Variants in TBC1D14 observed in about 807,000 individuals in gnomAD.
The protein encoded by TBC1D14 is TBC1 domain family member 14, also known as TBC1 domain family, member 14.
In TBC1D14, 26 loss-of-function variants were observed where a neutral mutation model predicts 79.0. The observed-to-expected ratio is 0.33, with a 90% CI of 0.24 to 0.46. TBC1D14 has a LOEUF of 0.46. Among genes scored for constraint, TBC1D14 ranks in the 20% least tolerant of loss-of-function variants. TBC1D14 has a pLI of 1.00. For missense variants in TBC1D14, 769 were observed against 887.6 expected (o/e 0.87, Z 1.70); for synonymous variants, 394 against 349.9 (o/e 1.13, Z -1.40).
At chr4:6,995,821 G>A (rs888879949) in intron 4 of TBC1D14, 5 of 135,646 alleles carry the variant, frequency 3.7e-5, no homozygotes, top group African/African-American at 1.4e-4. Flanking sequence ...CCATTCATTT[G>A]TTTTTATTTA....
intron 2 of TBC1D14, among the ~76,000 whole-genome samples, chr4:6,958,043 C>T (rs1714816145): frequency 1.3e-5 from 2 of 150,838 alleles, no homozygotes; most frequent in Admixed American, 6.6e-5. Context: ...AGAAATATAA[C>T]TCAGCCCTTT....
At chr4:6,987,240 G>C (rs1717948144) in intron 3 of TBC1D14, 3 of 1,260,238 alleles carry the variant, frequency 2.4e-6, no homozygotes, top group Non-Finnish European at 3.0e-6. Flanking sequence ...CTGAGGAGCC[G>C]CCGCGTCCGC....
At chr4:7,000,481 C>A (rs1719551073) in intron 6 of TBC1D14, among the ~76,000 whole-genome samples, 1 of 152,216 alleles carries the variant, frequency 6.6e-6, no homozygotes, top group Non-Finnish European at 1.5e-5. Context: ...TAGGATGCAG[C>A]CTGCTTTCTG....
chr4:6,967,863 G>A (rs575824465), intron 3 of TBC1D14, among the ~76,000 whole-genome samples: 3 of 152,192 alleles, frequency 2.0e-5, no homozygotes, highest in Non-Finnish European at 4.4e-5. Context: ...GGCTCTGCTG[G>A]GATGCCTCTC....
intron 12 of TBC1D14, 39 bp downstream of exon 12, chr4:7,014,596 C>A: frequency 7.2e-7 from 1 of 1,397,276 alleles, no homozygotes; most frequent in Non-Finnish European, 1.0e-6. Context: ...GAGCATTTCT[C>A]AGCCCTTGTC....
At position 6,923,360 on chromosome 4, in the gene TBC1D14, G is replaced by C; in HGVS notation, c.-17-13G>C. ...TATATCCACTTTAATTTCCATGTTT[G>C]TGTTTTTTCTAGTTTCTCCTTGGAC... On this transcript the variant is annotated splice_polypyrimidine_tract_variant and intron_variant, in intron 1 of 13. Coordinates refer to ENST00000409757, the MANE Select transcript of TBC1D14 (RefSeq NM_020773.3). The C allele has an allele frequency of 1.3e-6, 2 of 1,568,284 alleles. No individual in the cohort carries two copies. Among genetic ancestry groups the C allele is most frequent in the Non-Finnish European group, 1.7e-6 (2 of 1,158,676 alleles).
At chr4:6,966,893 T>C (rs1466028540) in intron 2 of TBC1D14, among the ~76,000 whole-genome samples, 1 of 152,224 alleles carries the variant, frequency 6.6e-6, no homozygotes, top group Non-Finnish European at 1.5e-5. Context: ...CACTGCAAGC[T>C]CCGCCTCCCA....
chr4:6,945,749 CAAAAAAAAAAAAAAA>C (rs71173472), intron 2 of TBC1D14, among the ~76,000 whole-genome samples: 4 of 64,134 alleles, frequency 6.2e-5, no homozygotes, highest in African/African-American at 1.3e-4. Flanking sequence ...AACTGCGTCT[CAAAAAAAAAAAAAAA>C]AAAAAAAAAA....
chr4:6,919,015 C>T (rs989972426), intron 1 of TBC1D14, among the ~76,000 whole-genome samples: 1 of 152,158 alleles, frequency 6.6e-6, no homozygotes, highest in African/African-American at 2.4e-5. Flanking sequence ...TGGGGAAGAG[C>T]AGCGAGGGCT....
At chr4:6,937,523 G>T (rs931987586) in intron 2 of TBC1D14, among the ~76,000 whole-genome samples, 6 of 152,198 alleles carry the variant, frequency 3.9e-5, no homozygotes, top group African/African-American at 1.4e-4. Flanking sequence ...TGGTGTGCTG[G>T]GTTGGAAGCT....
In TBC1D14 at chr4:6,979,776, T is replaced by A. The variant is rs13435488; in HGVS notation, c.843+12352T>A. Among the ~76,000 whole-genome samples, 361 of 152,182 alleles carry A rather than the reference T, an allele frequency of 2.4e-3. 1 individual carries two copies. The highest frequency in any genetic ancestry group is 8.2e-3 in the African/African-American group (339 of 41,526). On this transcript the variant is annotated intron_variant, in intron 3 of 13. Transcript: ENST00000409757. ...ATAAGTCTATTAATATAATAAAAAT[T>A]AAGATAGGTCTATTAATATTATAAA...
At chr4:6,999,771 G>T (rs1171583565) in intron 6 of TBC1D14, among the ~76,000 whole-genome samples, 1 of 152,146 alleles carries the variant, frequency 6.6e-6, no homozygotes, top group Admixed American at 6.5e-5. Flanking sequence ...CTAGGGCCCT[G>T]TGGTTCTGTG....
At chr4:7,020,911 C>T (rs560157520) in intron 12 of TBC1D14, among the ~76,000 whole-genome samples, 5 of 152,310 alleles carry the variant, frequency 3.3e-5, no homozygotes, top group Admixed American at 6.5e-5. Context: ...ATGGAAAAGA[C>T]GATTGTACCT....
At chr4:6,987,616 A>C (rs1244554163) in intron 3 of TBC1D14, 4 of 386,478 alleles carry the variant, frequency 1.0e-5, no homozygotes, top group Non-Finnish European at 1.8e-5. Context: ...CACGTTTACT[A>C]GGACGACGAG....
intron 3 of TBC1D14, among the ~76,000 whole-genome samples, chr4:6,978,064 G>T (rs1322513369): frequency 1.4e-3 from 211 of 150,874 alleles, no homozygotes; most frequent in Middle Eastern, 6.9e-3. Flanking sequence ...CGTCTGGGAG[G>T]GAGGTGGGGG....
chr4:6,941,180 CTTTTTTTTTTTT>C (rs35201238), intron 2 of TBC1D14, among the ~76,000 whole-genome samples: 3 of 87,758 alleles, frequency 3.4e-5, no homozygotes, highest in African/African-American at 5.2e-5. Flanking sequence ...AGGAAAGCAG[CTTTTTTTTTTTT>C]TTTTTTTTTT....
intron 3 of TBC1D14, chr4:6,987,052 T>G (rs2109118810): frequency 4.4e-6 from 2 of 455,724 alleles, no homozygotes; most frequent in Non-Finnish European, 6.0e-6. Flanking sequence ...TTACGGCCGG[T>G]GGGGCCGTAC....
At chr4:6,959,958 GT>G (rs1715027203) in intron 2 of TBC1D14, among the ~76,000 whole-genome samples, 2 of 152,048 alleles carry the variant, frequency 1.3e-5, no homozygotes, top group African/African-American at 4.8e-5. Context: ...GAAATGCCTA[GT>G]TTTGCAGTGG....
chr4:7,010,618 C>G (rs1720657352), intron 10 of TBC1D14, 35 bp from the exon 11 acceptor site: 2 of 1,602,856 alleles, frequency 1.2e-6, no homozygotes, highest in Non-Finnish European at 1.7e-6. Flanking sequence ...CCTGTGGCCA[C>G]TGTGATTTTA....
Sources: gnomAD v4.1 joint callset for allele counts (sites outside exome capture counted in the v4.1 genomes callset) on GRCh38, gnomAD v4.1.1 for gene constraint, MANE v1.5 for transcripts, NCBI Gene and HGNC (gene_info 2026-07-23, HGNC 2026-07-21) for gene names.